Variants in PARVB observed in about 807,000 individuals in gnomAD.
The protein encoded by PARVB is parvin beta, also known as beta-parvin.
PARVB carries 46 observed loss-of-function variants against 47.0 expected under a neutral mutation model. That is an observed-to-expected ratio of 0.98 (90% CI 0.77 to 1.25). The LOEUF (loss-of-function observed/expected upper bound fraction) is 1.25, where lower values mean the gene tolerates loss of function less well. PARVB is among the 50% of genes most tolerant of loss of function. The pLI, the probability that PARVB is intolerant of heterozygous loss-of-function variation, is 0.00. For synonymous variants in PARVB, 196 were observed against 196.3 expected (o/e 1.00, Z 0.01); for missense variants, 473 against 471.6 (o/e 1.00, Z -0.03).
intron 8 of PARVB, chr22:44,146,325 ATGTGCTCACG>A (rs2053677221): frequency 1.0e-5 from 1 of 99,964 alleles, no homozygotes; most frequent in African/African-American, 4.2e-5. Flanking sequence ...ACACGCACAC[ATGTGCTCACG>A]TGCACACAGG....
At chr22:44,050,055 C>T (rs1325550521) in intron 1 of PARVB, among the ~76,000 whole-genome samples, 1 of 152,150 alleles carries the variant, frequency 6.6e-6, no homozygotes, top group Non-Finnish European at 1.5e-5. Context: ...GGAGGGTTGC[C>T]CCAGCCGTAT....
chr22:44,126,866 G>T (rs2053196575), intron 4 of PARVB, among the ~76,000 whole-genome samples: 1 of 152,158 alleles, frequency 6.6e-6, no homozygotes, highest in African/African-American at 2.4e-5. Flanking sequence ...TGTGGAACTG[G>T]CCCTCAGAAT....
intron 1 of PARVB, chr22:44,086,692 C>T: frequency 1.1e-6 from 1 of 939,000 alleles, no homozygotes; most frequent in Non-Finnish European, 1.3e-6. Flanking sequence ...CACTGAGCTG[C>T]AAGATCTTCA....
In PARVB at chr22:44,050,270, T is replaced by G. The variant is rs117791925; in HGVS notation, c.112+25819T>G. Among the ~76,000 whole-genome samples the G allele has an allele frequency of 1.8e-3, 275 of 152,274 alleles. 1 individual carries two copies. In the East Asian group the frequency reaches 0.047, roughly 26 times the overall value. ...GGCAAACAGAATCCACACCATAGAT[T>G]TGAGGTATGTTTGTTGTCCTCTTTC... On this transcript the variant is annotated intron_variant, in intron 1 of 12. Transcript: ENST00000338758.
At chr22:44,033,285 G>T (rs968632517) in intron 1 of PARVB, among the ~76,000 whole-genome samples, 12 of 152,048 alleles carry the variant, frequency 7.9e-5, no homozygotes, top group Non-Finnish European at 1.3e-4. Flanking sequence ...CAACTGATCC[G>T]CCCACCTCGG....
rs61756768 is a variant in PARVB, at chr22:44,132,946, C to T, written c.570C>T (p.Ala190=). Residue 190 remains alanine, a synonymous_variant, in exon 6 of 13, where the codon GCC becomes GCT. Transcript: ENST00000338758. ...VAILHLLVSL[A]MHFRAPIRLP... ...TCCTCCACCTGCTGGTCTCTCTGGC[C>T]ATGCACTTCAGGGCCCCCATCCGCC... The T allele has an allele frequency of 0.015, 24,929 of 1,614,060 alleles. 254 individuals carry two copies. Among genetic ancestry groups the T allele is most frequent in the Non-Finnish European group, 0.018 (21,682 of 1,179,956 alleles).
At chr22:44,057,420 G>T (rs937212316) in intron 1 of PARVB, among the ~76,000 whole-genome samples, 3 of 152,162 alleles carry the variant, frequency 2.0e-5, no homozygotes, top group Admixed American at 6.5e-5. Context: ...ATCCAAAAGT[G>T]GGGGAAGAGG....
intron 1 of PARVB, among the ~76,000 whole-genome samples, chr22:44,066,007 C>T (rs2051515989): frequency 6.6e-6 from 1 of 152,070 alleles, no homozygotes; most frequent in East Asian, 1.9e-4. Flanking sequence ...GACTTCTTTT[C>T]CCTTGGGTAG....
intron 9 of PARVB, chr22:44,150,155 TCAAAACAAAACGAAA>T (rs1484841993): frequency 4.4e-4 from 62 of 139,558 alleles, no homozygotes; most frequent in African/African-American, 1.6e-3. Flanking sequence ...AGACTCCATC[TCAAAACAAAACGAAA>T]CAAAACAAAA....
At chr22:44,151,349 C>A in intron 9 of PARVB, 134 bp from the exon 10 acceptor site, 1 of 675,318 alleles carries the variant, frequency 1.5e-6, no homozygotes. Flanking sequence ...GAAACATGGG[C>A]TTTTTATTTT....
intron 1 of PARVB, among the ~76,000 whole-genome samples, chr22:44,079,054 A>G (rs1305486911): frequency 6.6e-6 from 1 of 152,184 alleles, no homozygotes; most frequent in Non-Finnish European, 1.5e-5. Context: ...GAGACACTGC[A>G]GTAGAGAGAA....
chr22:44,100,010 AC>A (rs1259123471), intron 2 of PARVB, 42 bp from the exon 3 acceptor site: 4 of 1,538,964 alleles, frequency 2.6e-6, no homozygotes, highest in Non-Finnish European at 3.6e-6. Flanking sequence ...TGTCCCTGCC[AC>A]CCCCACAATC....
chr22:44,079,780 T>C (rs1304326489), intron 1 of PARVB, among the ~76,000 whole-genome samples: 1 of 152,084 alleles, frequency 6.6e-6, no homozygotes, highest in Non-Finnish European at 1.5e-5. Context: ...ATACAAAAAT[T>C]AGCCGGGCAT....
rs768002609 is a variant in PARVB at position 44,147,781 on chromosome 22, A to G, written c.713-80A>G. ...GAGGCTGAACCTCCTGAGGGATCAG[A>G]AGCTGGCAGGGCCCTGGATTAGGGC... On this transcript the variant is annotated intron_variant, in intron 8 of 12. Coordinates refer to ENST00000338758, the MANE Select transcript of PARVB (RefSeq NM_013327.5). The G allele has an allele frequency of 9.4e-6, 11 of 1,165,464 alleles. No individual in the cohort carries two copies. In the East Asian group the frequency reaches 2.6e-4, roughly 27 times the overall value. 72.2% of individuals were successfully genotyped at this position (1,165,464 alleles called of 1,614,324 possible).
Position 44,029,835 on chromosome 22 carries a change from G to A in PARVB, c.112+5384G>A, listed in dbSNP as rs377096365. On this transcript the variant is annotated intron_variant, in intron 1 of 12. Transcript: ENST00000338758. The stretch of plus-strand genomic sequence containing the variant: ...TGAGGCAGGAGAATCACTCGAACCC[G>A]GGAAGCAGAGGTTGCAGTGAGCTGA... Among the ~76,000 whole-genome samples the A allele has an allele frequency of 3.3e-5, 5 of 152,230 alleles. No individual in the cohort carries two copies. The East Asian group carries it at 5.8e-4, about 18-fold the overall frequency.
chr22:44,134,687 C>T (rs549736542), intron 6 of PARVB, among the ~76,000 whole-genome samples: 14 of 152,290 alleles, frequency 9.2e-5, no homozygotes, highest in African/African-American at 3.1e-4. Context: ...TCTGAGCTTG[C>T]TCAGGGGACC....
chr22:44,057,171 A>G (rs2051330667), intron 1 of PARVB, among the ~76,000 whole-genome samples: 1 of 152,164 alleles, frequency 6.6e-6, no homozygotes, highest in South Asian at 2.1e-4. Context: ...GGGAAAATTA[A>G]ACACATTTAA....
At chr22:44,022,987 T>C (rs991720440), upstream of PARVB, among the ~76,000 whole-genome samples, 6 of 151,918 alleles carry the variant, frequency 3.9e-5, no homozygotes, top group African/African-American at 7.2e-5. Context: ...CCTCAGGTGA[T>C]CTGCCTGCTT....
intron 1 of PARVB, among the ~76,000 whole-genome samples, chr22:44,038,230 G>A (rs1208998950): frequency 1.3e-5 from 2 of 152,200 alleles, no homozygotes; most frequent in African/African-American, 4.8e-5. Context: ...CATTTCACTG[G>A]GAGATAATGA....
Sources: allele counts gnomAD v4.1 joint callset (sites outside exome capture counted in the v4.1 genomes callset), GRCh38; gene constraint gnomAD v4.1.1; transcripts MANE v1.5; gene names NCBI Gene and HGNC (gene_info 2026-07-23, HGNC 2026-07-21).